GPBP1: variants seen among roughly 807,000 people sequenced by gnomAD.
GPBP1 encodes GC-rich promoter binding protein 1.
A neutral mutation model predicts 56.5 loss-of-function variants in GPBP1; 13 were observed. The observed-to-expected ratio is 0.23, with a 90% CI of 0.15 to 0.37. The LOEUF (loss-of-function observed/expected upper bound fraction) is 0.37. GPBP1 is among the 10% of genes least tolerant of loss of function. GPBP1 has a pLI of 1.00. For missense variants in GPBP1, 477 were observed against 572.3 expected, an observed-to-expected ratio of 0.83 and a Z score of 1.70; for synonymous variants, 204 against 188.9, an observed-to-expected ratio of 1.08 and a Z score of -0.66.
chr5:57,261,564 A>G (rs577212747), intron 11 of GPBP1, among the ~76,000 whole-genome samples: 16 of 152,326 alleles, frequency 1.1e-4, no homozygotes, highest in African/African-American at 3.6e-4. Flanking sequence ...GAAGTCTGCA[A>G]TAGTGACTTA....
In GPBP1 at chr5:57,247,036, G is replaced by GT. The variant is rs748749317; in HGVS notation, c.664-34dup. 1.2e-4 allele frequency: 182 copies of GT among 1,578,630 alleles called. 1 individual carries two copies. The highest frequency in any genetic ancestry group is 5.8e-4 in the Admixed American group (31 of 53,182). ...TGTTTTTGTCTTTCTCCTGTAACCT[G>GT]TTTTTGATAGCCATTAATGTTTGTG... is the stretch of plus-strand genomic sequence containing the variant. On this transcript the variant is annotated intron_variant, in intron 7 of 11. Coordinates refer to ENST00000506184, the MANE Select transcript of GPBP1 (RefSeq NM_022913.4).
chr5:57,210,347 A>C (rs559900901), intron 2 of GPBP1, among the ~76,000 whole-genome samples: 1 of 152,316 alleles, frequency 6.6e-6, no homozygotes, highest in African/African-American at 2.4e-5. Context: ...TAGGGTTTTC[A>C]TACTAGCAGT....
chr5:57,179,683 T>G (rs1753955565), intron 2 of GPBP1, among the ~76,000 whole-genome samples: 1 of 152,106 alleles, frequency 6.6e-6, no homozygotes, highest in African/African-American at 2.4e-5. Context: ...CTGCAACCTC[T>G]GCCTCCCCGG....
chr5:57,207,626 T>C (rs1755291292), intron 2 of GPBP1, among the ~76,000 whole-genome samples: 1 of 152,234 alleles, frequency 6.6e-6, no homozygotes, highest in South Asian at 2.1e-4. Flanking sequence ...GAGGGCTTTT[T>C]TGCCTTGGTG....
At chr5:57,243,948 CA>C (rs1740957810) in intron 6 of GPBP1, among the ~76,000 whole-genome samples, 1 of 152,100 alleles carries the variant, frequency 6.6e-6, no homozygotes, top group Non-Finnish European at 1.5e-5. Flanking sequence ...CCTGGTCTCC[CA>C]AAGTGCTGGG....
chr5:57,255,816 C>CA (rs1201135871), intron 10 of GPBP1, among the ~76,000 whole-genome samples: 1 of 152,120 alleles, frequency 6.6e-6, no homozygotes, highest in East Asian at 1.9e-4. Flanking sequence ...ATGTTTAGTG[C>CA]AGGAAGCATT....
At chr5:57,250,288 G>A (rs1373174958) in intron 9 of GPBP1, among the ~76,000 whole-genome samples, 1 of 151,816 alleles carries the variant, frequency 6.6e-6, no homozygotes, top group Non-Finnish European at 1.5e-5. Flanking sequence ...ACAGGCGTGA[G>A]CCACTGTACC....
intron 3 of GPBP1, among the ~76,000 whole-genome samples, chr5:57,219,399 A>ACC (rs1561348250): frequency 1.2e-4 from 7 of 59,538 alleles, no homozygotes; most frequent in African/African-American, 4.2e-4. Flanking sequence ...AAAAAAAAAA[A>ACC]AAAACCAAAA....
intron 3 of GPBP1, among the ~76,000 whole-genome samples, chr5:57,222,756 A>AT: frequency 6.6e-6 from 1 of 152,338 alleles, no homozygotes; most frequent in South Asian, 2.1e-4. Context: ...ATTTTGGTAG[A>AT]TAATGCCTAA....
chr5:57,219,480 G>C (rs554792336), intron 3 of GPBP1, among the ~76,000 whole-genome samples: 3 of 144,550 alleles, frequency 2.1e-5, no homozygotes, highest in Non-Finnish European at 4.5e-5. Flanking sequence ...TAAAAAAAAA[G>C]GTACTTGAAA....
chr5:57,251,438 A>C (rs951182678), intron 10 of GPBP1, among the ~76,000 whole-genome samples: 1 of 152,026 alleles, frequency 6.6e-6, no homozygotes, highest in Non-Finnish European at 1.5e-5. Context: ...AGCTTCTTTC[A>C]CTAAGTATAA....
At chr5:57,200,775 G>A (rs1156332756) in intron 2 of GPBP1, among the ~76,000 whole-genome samples, 2 of 152,090 alleles carry the variant, frequency 1.3e-5, no homozygotes, top group Non-Finnish European at 2.9e-5. Context: ...TTCGCCTCCC[G>A]GGTTCACGCC....
intron 3 of GPBP1, among the ~76,000 whole-genome samples, chr5:57,227,472 C>T (rs545456729): frequency 6.6e-6 from 1 of 152,194 alleles, no homozygotes; most frequent in South Asian, 2.1e-4. Flanking sequence ...GGGATTATGG[C>T]CATGAGACAC....
At chr5:57,190,074 C>A (rs890111875) in intron 2 of GPBP1, among the ~76,000 whole-genome samples, 1 of 152,100 alleles carries the variant, frequency 6.6e-6, no homozygotes, top group Non-Finnish European at 1.5e-5. Context: ...AGAGCAGGGA[C>A]CTTGTCTCAT....
rs1004160669 is a variant in GPBP1, at chr5:57,216,867, G to A, written c.63+2674G>A. Among the ~76,000 whole-genome samples, 5 of 69,968 alleles carry A rather than the reference G, an allele frequency of 7.1e-5. No homozygotes were observed. The South Asian group carries it at 1.2e-3, about 17-fold the overall frequency. The allele number at this position is 69,968 out of a possible 152,430, so 45.9% of individuals were successfully genotyped here. A position where few individuals can be genotyped will look rare whatever the true frequency, so the allele number is the denominator to read the frequency against. On this transcript the variant is annotated intron_variant, in intron 3 of 11. Coordinates refer to ENST00000506184, the MANE Select transcript of GPBP1 (RefSeq NM_022913.4). ...CAAAGCCTTTTCATATATCTGGAAC[G>A]CTTTTTTTTTTTCATATAAATAAGA...
At chr5:57,224,033 C>T (rs1288810371) in intron 3 of GPBP1, among the ~76,000 whole-genome samples, 7 of 151,688 alleles carry the variant, frequency 4.6e-5, no homozygotes, top group Non-Finnish European at 1.0e-4. Context: ...CGGGGTTTCA[C>T]CATGTTAGCC....
chr5:57,237,379 TTAA>T, intron 6 of GPBP1: 1 of 513,528 alleles, frequency 1.9e-6, no homozygotes, highest in South Asian at 3.1e-5. Context: ...CTGGGTTGAT[TTAA>T]TAATCTTAGA....
intron 2 of GPBP1, among the ~76,000 whole-genome samples, chr5:57,183,140 T>G (rs1180648949): frequency 1.3e-5 from 2 of 151,728 alleles, no homozygotes; most frequent in Admixed American, 1.3e-4. Context: ...CTGAAGCGGG[T>G]GGATCACCTG....
At chr5:57,196,861 A>G (rs1424108369) in intron 2 of GPBP1, among the ~76,000 whole-genome samples, 1 of 151,892 alleles carries the variant, frequency 6.6e-6, no homozygotes, top group African/African-American at 2.4e-5. Flanking sequence ...GGCTCACTGT[A>G]ACCTCTGCCT....
Sources: allele counts gnomAD v4.1 joint callset (sites outside exome capture counted in the v4.1 genomes callset), GRCh38; gene constraint gnomAD v4.1.1; transcripts MANE v1.5; gene names NCBI Gene and HGNC (gene_info 2026-07-23, HGNC 2026-07-21).